Variants in CFAP54 observed in about 807,000 individuals in gnomAD.
CFAP54 encodes cilia- and flagella-associated protein 54.
In CFAP54, 290 loss-of-function variants were observed where a neutral mutation model predicts 370.4. The ratio of observed to expected loss-of-function variants is 0.78; its 90% CI spans 0.71 to 0.86. The LOEUF is 0.86. Among genes scored for constraint, CFAP54 ranks in the 40% least tolerant of loss-of-function variants. The pLI, the probability that CFAP54 is intolerant of heterozygous loss-of-function variation, is 0.00. For synonymous variants in CFAP54, 1,206 were observed against 1,236.5 expected (o/e 0.98, Z 0.52); for missense variants, 3,399 against 3,528.7 (o/e 0.96, Z 0.93).
At chr12:96,582,482 A>G (rs1212021918) in intron 22 of CFAP54, among the ~76,000 whole-genome samples, 1 of 152,174 alleles carries the variant, frequency 6.6e-6, no homozygotes, top group Non-Finnish European at 1.5e-5. Flanking sequence ...CATATTTTTC[A>G]AAGAAAATTA....
chr12:96,825,917 T>A (rs1438938559), intron 65 of CFAP54, among the ~76,000 whole-genome samples: 1 of 139,558 alleles, frequency 7.2e-6, no homozygotes, highest in African/African-American at 2.6e-5. Flanking sequence ...CAGAATATAT[T>A]CATATATAAA....
At chr12:96,782,127 A>G (rs564962824) in intron 60 of CFAP54, among the ~76,000 whole-genome samples, 1 of 152,236 alleles carries the variant, frequency 6.6e-6, no homozygotes, top group East Asian at 1.9e-4. Flanking sequence ...GAAAAATTCA[A>G]TAAAATTCAA....
chr12:96,578,646 T>G lies in CFAP54; in HGVS notation c.2796+1885T>G, dbSNP rs527451809. ...TTAGGACTCATCAATGAGGACGTTA[T>G]AGGAAGTTTATGTGTATTACGTTCA... On this transcript the variant is annotated intron_variant, in intron 20 of 67. Transcript: ENST00000524981. Among the ~76,000 whole-genome samples, 5 of 152,346 alleles carry G rather than the reference T, an allele frequency of 3.3e-5. No individual in the cohort carries two copies. In the East Asian group the frequency reaches 9.6e-4, roughly 29 times the overall value.
intron 42 of CFAP54, 139 bp from the exon 43 acceptor site, chr12:96,688,777 C>G: frequency 2.2e-6 from 1 of 459,468 alleles, no homozygotes; most frequent in Non-Finnish European, 3.8e-6. Context: ...AATATATTTT[C>G]CTTCTATTTT....
intron 33 of CFAP54, among the ~76,000 whole-genome samples, chr12:96,647,500 A>AAAAAAAAAAC (rs1565927578): frequency 1.6e-4 from 23 of 145,210 alleles, no homozygotes; most frequent in East Asian, 8.9e-4. Context: ...AAAAAAAGAA[A>AAAAAAAAAAC]TGCCATTGAT....
intron 50 of CFAP54, among the ~76,000 whole-genome samples, chr12:96,724,345 C>T (rs1957801620): frequency 1.3e-5 from 2 of 151,400 alleles, no homozygotes; most frequent in Admixed American, 1.3e-4. Flanking sequence ...CTGTTGTTTC[C>T]TGACTTTTTA....
At chr12:96,800,984 T>A (rs1482820486) in intron 63 of CFAP54, among the ~76,000 whole-genome samples, 1 of 152,178 alleles carries the variant, frequency 6.6e-6, no homozygotes, top group African/African-American at 2.4e-5. Context: ...TCTAGCTTCT[T>A]GAAAGGATGG....
At chr12:96,766,188 T>A (rs925853854) in intron 60 of CFAP54, among the ~76,000 whole-genome samples, 3 of 152,202 alleles carry the variant, frequency 2.0e-5, no homozygotes, top group African/African-American at 7.2e-5. Context: ...ATGTCTAACG[T>A]CCCCCTCTTT....
intron 48 of CFAP54, among the ~76,000 whole-genome samples, chr12:96,717,623 A>C (rs927398905): frequency 6.6e-5 from 10 of 152,332 alleles, no homozygotes; most frequent in African/African-American, 2.2e-4. Context: ...TGTTCAGAAT[A>C]AGAGCAGGCT....
At chr12:96,535,052 G>GTGTGTGTTTA (rs1491302214) in intron 11 of CFAP54, among the ~76,000 whole-genome samples, 1 of 128,922 alleles carries the variant, frequency 7.8e-6, no homozygotes, top group African/African-American at 2.9e-5. Context: ...GTGTGTGTGT[G>GTGTGTGTTTA]TTTATTTATT....
chr12:96,608,339 G>A (rs1049558099), intron 26 of CFAP54, among the ~76,000 whole-genome samples: 197 of 147,286 alleles, frequency 1.3e-3, no homozygotes, highest in African/African-American at 4.4e-3. Context: ...ACACACATAC[G>A]CACACACATA....
In CFAP54 at chr12:96,624,645, T is replaced by C. The variant is rs568765894; in HGVS notation, c.3886+764T>C. Among the ~76,000 whole-genome samples the C allele has an allele frequency of 3.3e-5, 5 of 152,338 alleles. No individual in the cohort carries two copies. In the South Asian group the frequency reaches 1.0e-3, roughly 32 times the overall value. On this transcript the variant is annotated intron_variant, in intron 28 of 67. Coordinates refer to ENST00000524981, the MANE Select transcript of CFAP54 (RefSeq NM_001306084.2). ...TCAAATCTTCTAGAACAAGAGAGTA[T>C]CCAAATTTGAGCCTTAAACCAAGTA...
At chr12:96,530,029 T>C (rs995590575) in intron 9 of CFAP54, among the ~76,000 whole-genome samples, 2 of 152,236 alleles carry the variant, frequency 1.3e-5, no homozygotes, top group Admixed American at 6.5e-5. Context: ...AAATCAAGAT[T>C]TATATACTTC....
chr12:96,758,868 G>A (rs1958298983), intron 58 of CFAP54, among the ~76,000 whole-genome samples: 1 of 152,154 alleles, frequency 6.6e-6, no homozygotes, highest in Non-Finnish European at 1.5e-5. Flanking sequence ...CCTCCCAGGT[G>A]ATGCTGATGC....
chr12:96,741,383 G>A (rs570857644), intron 51 of CFAP54, among the ~76,000 whole-genome samples: 101 of 152,156 alleles, frequency 6.6e-4, no homozygotes, highest in Non-Finnish European at 1.2e-3. Flanking sequence ...GGCTGGTCTC[G>A]AACTCCTGAC....
At position 96,512,185 on chromosome 12, in the gene CFAP54, AATT is replaced by A. The variant is rs370887380; in HGVS notation, c.740-795_740-793del. Among the ~76,000 whole-genome samples, 22 of 150,324 alleles carry A rather than the reference AATT, an allele frequency of 1.5e-4. 1 individual carries two copies. The highest frequency in any genetic ancestry group is 4.2e-4 in the South Asian group (2 of 4,796). ...GCCCTGTTATGCATTATGATTTTTA[AATT>A]ATTATGAGTTTCCTTGTTGAGTATT... On this transcript the variant is annotated intron_variant, in intron 4 of 67. Transcript: ENST00000524981.
chr12:96,740,654 A>G (rs1330121260), intron 51 of CFAP54, among the ~76,000 whole-genome samples: 1 of 152,244 alleles, frequency 6.6e-6, no homozygotes, highest in Non-Finnish European at 1.5e-5. Flanking sequence ...GCTAATATCT[A>G]GCATCATTAC....
chr12:96,862,828 T>C (rs1271845916), intron 67 of CFAP54, among the ~76,000 whole-genome samples: 2 of 152,140 alleles, frequency 1.3e-5, no homozygotes, highest in East Asian at 3.9e-4. Flanking sequence ...CTTTGCTGAG[T>C]TGGAGATCAC....
intron 60 of CFAP54, among the ~76,000 whole-genome samples, chr12:96,780,988 T>C (rs4762329): frequency 0.01 from 1,561 of 152,226 alleles, 57 homozygotes; most frequent in East Asian, 0.1. Context: ...AACAAAGTTT[T>C]TTGAGAATGC....
Sources: gnomAD v4.1 joint callset for allele counts (sites outside exome capture counted in the v4.1 genomes callset) on GRCh38, gnomAD v4.1.1 for gene constraint, MANE v1.5 for transcripts, NCBI Gene and HGNC (gene_info 2026-07-23, HGNC 2026-07-21) for gene names.